DRC11: variants seen among roughly 807,000 people sequenced by gnomAD.
DRC11 encodes the protein IQ and AAA domain-containing protein 1.
the DRC11 span, among the ~76,000 whole-genome samples, chr2:236,488,833 C>T: frequency 6.6e-6 from 1 of 152,194 alleles, no homozygotes; most frequent in Non-Finnish European, 1.5e-5. Flanking sequence ...TATGTGGAGA[C>T]AAAGTTAGGC....
At chr2:236,366,093 C>G in the DRC11 span, among the ~76,000 whole-genome samples, 1 of 152,162 alleles carries the variant, frequency 6.6e-6, no homozygotes, top group South Asian at 2.1e-4. Flanking sequence ...AAACAGTGGA[C>G]ACGGTTTCTG....
the DRC11 span, chr2:236,497,497 G>C: frequency 6.3e-7 from 1 of 1,580,608 alleles, no homozygotes; most frequent in Admixed American, 1.8e-5. This position sits in a 1 kb window ranked among gnomAD's most constrained non-coding sequence, Gnocchi z 5.1. Flanking sequence ...TCTGGGGGAA[G>C]AGAGAGAATT....
the DRC11 span, among the ~76,000 whole-genome samples, chr2:236,358,336 T>C: frequency 7.2e-4 from 96 of 134,038 alleles, no homozygotes; most frequent in Middle Eastern, 0.011. Flanking sequence ...ATATATATGA[T>C]ATATAGATAT....
the DRC11 span, chr2:236,497,635 AT>A: frequency 1.6e-6 from 1 of 611,606 alleles, no homozygotes; most frequent in Admixed American, 3.1e-5. This position sits in a 1 kb window ranked among gnomAD's most constrained non-coding sequence, Gnocchi z 5.1. Flanking sequence ...TTGATAGACA[AT>A]TTATATCCTG....
At chr2:236,400,937 C>T in the DRC11 span, among the ~76,000 whole-genome samples, 5 of 152,274 alleles carry the variant, frequency 3.3e-5, no homozygotes, top group African/African-American at 1.2e-4. This position sits in a 1 kb window ranked among gnomAD's most constrained non-coding sequence, Gnocchi z 7.9. Flanking sequence ...GCCTCCAGTC[C>T]CACTGCCCTG....
At chr2:236,444,484 G>C in the DRC11 span, among the ~76,000 whole-genome samples, 1 of 152,186 alleles carries the variant, frequency 6.6e-6, no homozygotes, top group African/African-American at 2.4e-5. Flanking sequence ...AACAGATCTT[G>C]AAGGCCCCCA....
At chr2:236,367,903 G>A in the DRC11 span, 12 of 409,540 alleles carry the variant, frequency 2.9e-5, no homozygotes, top group Non-Finnish European at 4.6e-5. The surrounding 1 kb of genome is among the most constrained non-coding windows in gnomAD (Gnocchi z 4.8). Context: ...TTGATTAATC[G>A]TAATTGCAGG....
At chr2:236,465,583 T>C in the DRC11 span, 2 of 1,613,876 alleles carry the variant, frequency 1.2e-6, no homozygotes, top group Admixed American at 3.3e-5. The surrounding 1 kb of genome is among the most constrained non-coding windows in gnomAD (Gnocchi z 6.2). Context: ...CTTTAGGTCA[T>C]TCTTGATGGT....
chr2:236,424,086 GAT>G, the DRC11 span, among the ~76,000 whole-genome samples: 1 of 151,102 alleles, frequency 6.6e-6, no homozygotes, highest in Non-Finnish European at 1.5e-5. Context: ...AGCATTGGGA[GAT>G]ATACCTAATG....
chr2:236,478,830 CT>C, the DRC11 span, among the ~76,000 whole-genome samples: 118 of 139,166 alleles, frequency 8.5e-4, no homozygotes, highest in Middle Eastern at 3.7e-3. This position sits in a 1 kb window ranked among gnomAD's most constrained non-coding sequence, Gnocchi z 5.9. Context: ...GGTTTGTAGT[CT>C]TTTTTTTTTT....
the DRC11 span, among the ~76,000 whole-genome samples, chr2:236,394,740 T>C: frequency 2.0e-5 from 3 of 152,150 alleles, no homozygotes; most frequent in Non-Finnish European, 4.4e-5. The surrounding 1 kb of genome is among the most constrained non-coding windows in gnomAD (Gnocchi z 7.0). Flanking sequence ...CCTGCCTTCC[T>C]GGACAGACTA....
chr2:236,497,275 ACTTTC>A, the DRC11 span: 5 of 1,613,808 alleles, frequency 3.1e-6, no homozygotes, highest in Non-Finnish European at 4.2e-6. The surrounding 1 kb of genome is among the most constrained non-coding windows in gnomAD (Gnocchi z 5.1). Context: ...CCCGTCCAGG[ACTTTC>A]CTGATCAGTA....
the DRC11 span, among the ~76,000 whole-genome samples, chr2:236,374,450 C>G: frequency 6.6e-6 from 1 of 152,066 alleles, no homozygotes; most frequent in Admixed American, 6.5e-5. Context: ...TCTTGAATTG[C>G]TATAAAGAAA....
the DRC11 span, among the ~76,000 whole-genome samples, chr2:236,471,182 A>C: frequency 1.5e-4 from 23 of 152,306 alleles, no homozygotes; most frequent in Admixed American, 1.4e-3. The surrounding 1 kb of genome is among the most constrained non-coding windows in gnomAD (Gnocchi z 4.6). Context: ...AGGGTCACAC[A>C]GCCAGGAAGT....
chr2:236,308,645 A>G, the DRC11 span, among the ~76,000 whole-genome samples: 6 of 152,194 alleles, frequency 3.9e-5, no homozygotes, highest in Admixed American at 6.5e-5. The surrounding 1 kb of genome is among the most constrained non-coding windows in gnomAD (Gnocchi z 6.0). Flanking sequence ...TCCACTTAAC[A>G]TGGTATCCTC....
At chr2:236,435,892 T>C in the DRC11 span, among the ~76,000 whole-genome samples, 1 of 152,186 alleles carries the variant, frequency 6.6e-6, no homozygotes, top group Admixed American at 6.5e-5. Context: ...TGACAACTTC[T>C]GTTATTATTA....
chr2:236,449,942 C>T, the DRC11 span, among the ~76,000 whole-genome samples: 1 of 152,076 alleles, frequency 6.6e-6, no homozygotes, highest in East Asian at 1.9e-4. The surrounding 1 kb of genome is among the most constrained non-coding windows in gnomAD (Gnocchi z 5.1). Context: ...AGGAGAAACC[C>T]CTATGTGTGT....
At chr2:236,421,720 G>A in the DRC11 span, among the ~76,000 whole-genome samples, 269 of 152,268 alleles carry the variant, frequency 1.8e-3, 5 homozygotes, top group East Asian at 0.047. Flanking sequence ...TGAGGCCAGC[G>A]TTATCTTGAT....
chr2:236,307,983 G>GTCCTCGTGTGCTTGCAGTGACGCAGGCA, the DRC11 span, among the ~76,000 whole-genome samples: 3 of 151,432 alleles, frequency 2.0e-5, no homozygotes, highest in Admixed American at 2.0e-4. The surrounding 1 kb of genome is among the most constrained non-coding windows in gnomAD (Gnocchi z 7.0). Flanking sequence ...TGACACAAGC[G>GTCCTCGTGTGCTTGCAGTGACGCAGGCA]TCCTCGTGTG....
Sources: gnomAD v4.1 joint callset for allele counts (sites outside exome capture counted in the v4.1 genomes callset) on GRCh38, gnomAD v4.1.1 for gene constraint, Gnocchi (gnomAD v3.1) non-coding constraint, MANE v1.5 for transcripts, NCBI Gene and HGNC (gene_info 2026-07-23, HGNC 2026-07-21) for gene names.